GABRB3: variants seen among roughly 807,000 people sequenced by gnomAD.
GABRB3 encodes gamma-aminobutyric acid type A receptor subunit beta3.
Under a neutral mutation model 52.1 loss-of-function variants are expected in GABRB3, and 14 were observed. The ratio of observed to expected loss-of-function variants is 0.27; its 90% CI spans 0.18 to 0.42. The LOEUF is 0.42. Among genes scored for constraint, GABRB3 ranks in the 10% least tolerant of loss-of-function variants. The pLI is 1.00. For synonymous variants in GABRB3, 260 were observed against 232.3 expected (o/e 1.12, Z -1.08); for missense variants, 307 against 609.1 (o/e 0.50, Z 5.22).
At chr15:26,583,293 C>A in intron 5 of GABRB3, 39 bp downstream of exon 5, 1 of 1,515,844 alleles carries the variant, frequency 6.6e-7, no homozygotes, top group Non-Finnish European at 9.2e-7. Context: ...ATCAAAAGTA[C>A]AAATAGGAGG....
rs542677863 is a variant in GABRB3 at position 26,664,594 on chromosome 15, T to A, written c.241-43060A>T. On this transcript the variant is annotated intron_variant, in intron 3 of 8. Transcript: ENST00000311550. ...TATGGGTACCTCATAGTTGCATATA[T>A]TTATGGGGTACATGTGATGTTCTGA... 2.0e-5 allele frequency among the ~76,000 whole-genome samples: 3 copies of A among 152,262 alleles called. No homozygotes were observed. The South Asian group carries it at 6.2e-4, about 32-fold the overall frequency.
intron 2 of GABRB3, 52 bp downstream of exon 2, chr15:26,772,629 C>A: frequency 6.8e-7 from 1 of 1,476,592 alleles, no homozygotes; most frequent in Non-Finnish European, 9.1e-7. Flanking sequence ...CCGCCCAGGC[C>A]GCCGCCGCCG....
Position 26,606,764 on chromosome 15 carries a change from CTATCTATAGATAGATAGATA to C in GABRB3, c.461+14530_461+14549del, listed in dbSNP as rs1366976253. Among the ~76,000 whole-genome samples, 249 of 45,882 alleles carry C rather than the reference CTATCTATAGATAGATAGATA, an allele frequency of 5.4e-3. 7 individuals are homozygous for C. Among genetic ancestry groups the C allele is most frequent in the Middle Eastern group, 0.017 (1 of 58 alleles). 30.1% of individuals were successfully genotyped at this position (45,882 alleles called of 152,430 possible). ...TGTCATATATATCATACATATCTGT[CTATCTATAGATAGATAGATA>C]TATCTATAGATAGATATATCTATAG... On this transcript the variant is annotated intron_variant, in intron 4 of 8. Coordinates refer to ENST00000311550, the MANE Select transcript of GABRB3 (RefSeq NM_000814.6).
At chr15:26,721,466 C>G (rs540795730) in intron 3 of GABRB3, among the ~76,000 whole-genome samples, 22 of 152,106 alleles carry the variant, frequency 1.4e-4, no homozygotes, top group South Asian at 4.2e-4. Context: ...CAAGCCAGGC[C>G]TCCCCACTCC....
intron 3 of GABRB3, among the ~76,000 whole-genome samples, chr15:26,768,427 T>G (rs1314147193): frequency 6.6e-6 from 1 of 152,222 alleles, no homozygotes; most frequent in Admixed American, 6.5e-5. Flanking sequence ...TTTAATAAAT[T>G]TTTTAAAACT....
intron 3 of GABRB3, among the ~76,000 whole-genome samples, chr15:26,746,082 T>C (rs1267775001): frequency 6.6e-6 from 1 of 152,224 alleles, no homozygotes. Context: ...GTAGGAGTGA[T>C]CAATCCAGCT....
intron 3 of GABRB3, 112 bp downstream of exon 3, chr15:26,772,290 C>T (rs1421404563): frequency 2.3e-5 from 21 of 929,796 alleles, no homozygotes; most frequent in Middle Eastern, 2.4e-4. Context: ...CTCTGCGGAC[C>T]GGGGAAACTC....
At position 26,604,211 on chromosome 15, in the gene GABRB3, G is replaced by T. The variant is rs532949280; in HGVS notation, c.461+17103C>A. Among the ~76,000 whole-genome samples the T allele has an allele frequency of 2.0e-5, 3 of 152,070 alleles. No homozygotes were observed. In the East Asian group the frequency reaches 5.8e-4, roughly 29 times the overall value. ...ATACCTATGAATTACCTTAATCAAAGAAATGAAAGATCTCTGCAATGAAAA... is the reference window on the plus strand; with the variant it reads ...ATACCTATGAATTACCTTAATCAAATAAATGAAAGATCTCTGCAATGAAAA... On this transcript the variant is annotated intron_variant, in intron 4 of 8. Transcript: ENST00000311550.
intron 3 of GABRB3, among the ~76,000 whole-genome samples, chr15:26,676,193 T>C (rs1029614774): frequency 3.9e-5 from 6 of 152,254 alleles, no homozygotes; most frequent in Non-Finnish European, 7.3e-5. Context: ...CAGCACCTGC[T>C]TGCAACTATT....
intron 3 of GABRB3, among the ~76,000 whole-genome samples, chr15:26,761,169 C>T (rs1290671386): frequency 1.3e-5 from 2 of 152,084 alleles, no homozygotes; most frequent in East Asian, 1.9e-4. Context: ...CCAAGGCAGG[C>T]GGATCACCAG....
intron 4 of GABRB3, among the ~76,000 whole-genome samples, chr15:26,605,354 G>A (rs1891749928): frequency 6.6e-6 from 1 of 152,142 alleles, no homozygotes; most frequent in African/African-American, 2.4e-5. Context: ...AAAATTTGGA[G>A]GTGCCTCAAA....
At chr15:26,665,737 A>G (rs1478026134) in intron 3 of GABRB3, among the ~76,000 whole-genome samples, 1 of 152,220 alleles carries the variant, frequency 6.6e-6, no homozygotes, top group African/African-American at 2.4e-5. Context: ...TGGAAATGAT[A>G]AAACCTCATC....
intron 3 of GABRB3, among the ~76,000 whole-genome samples, chr15:26,702,843 T>C (rs1219642126): frequency 6.6e-6 from 1 of 152,220 alleles, no homozygotes; most frequent in East Asian, 1.9e-4. Flanking sequence ...ACGAAATAGC[T>C]GTAACAAAAT....
chr15:26,617,669 A>T (rs1487917159), intron 4 of GABRB3, among the ~76,000 whole-genome samples: 2 of 151,870 alleles, frequency 1.3e-5, no homozygotes, highest in African/African-American at 4.8e-5. Flanking sequence ...GGCCAGGGCA[A>T]TTAGGCAGGA....
At position 26,554,042 on chromosome 15, in the gene GABRB3, TA is replaced by T. The variant is rs1567096797; in HGVS notation, c.1081-5909del. 1.7e-3 allele frequency among the ~76,000 whole-genome samples: 74 copies of T among 44,504 alleles called. 4 individuals are homozygous for T. Among genetic ancestry groups the T allele is most frequent in the Middle Eastern group, 0.014 (1 of 70 alleles). The allele number at this position is 44,504 out of a possible 152,430, so 29.2% of individuals were successfully genotyped here. A position where few individuals can be genotyped will look rare whatever the true frequency, so the allele number is the denominator to read the frequency against. ...CTATTTATATATATATATATTTATTTATTTATATTTATTTATATATAAAGTG... is the reference window on the plus strand; with the variant it reads ...CTATTTATATATATATATATTTATTTTTTATATTTATTTATATATAAAGTG... On this transcript the variant is annotated intron_variant, in intron 8 of 8. Coordinates refer to ENST00000311550, the MANE Select transcript of GABRB3 (RefSeq NM_000814.6).
chr15:26,722,862 G>T (rs28653522), intron 3 of GABRB3, among the ~76,000 whole-genome samples: 22,748 of 152,124 alleles, frequency 0.15, 1,938 homozygotes, highest in East Asian at 0.31. Context: ...CCCACTGGGT[G>T]CCTCTGCTCA....
intron 4 of GABRB3, among the ~76,000 whole-genome samples, chr15:26,607,995 A>C (rs947383007): frequency 6.6e-6 from 1 of 151,980 alleles, no homozygotes; most frequent in South Asian, 2.1e-4. Flanking sequence ...CAAAAAACCC[A>C]AAATAGCTAA....
At chr15:26,726,175 CATG>C (rs1889766431) in intron 3 of GABRB3, among the ~76,000 whole-genome samples, 1 of 152,110 alleles carries the variant, frequency 6.6e-6, no homozygotes, top group Non-Finnish European at 1.5e-5. Context: ...CAGCCCATCA[CATG>C]AGGTCAGATG....
rs12912212 is a variant in GABRB3, at chr15:26,592,296, G to A, written c.462-8882C>T. Among the ~76,000 whole-genome samples the A allele has an allele frequency of 6.3e-3, 966 of 152,222 alleles. 6 individuals carry two copies. The highest frequency in any genetic ancestry group is 0.015 in the East Asian group (80 of 5,178). On this transcript the variant is annotated intron_variant, in intron 4 of 8. Coordinates refer to ENST00000311550, the MANE Select transcript of GABRB3 (RefSeq NM_000814.6). ...TGATCTTCACATTTATATCCTAGAG[G>A]CTACAGCCTCCAATATGAGAGTGAA...
Sources: allele counts gnomAD v4.1 joint callset (sites outside exome capture counted in the v4.1 genomes callset), GRCh38; gene constraint gnomAD v4.1.1; transcripts MANE v1.5; gene names NCBI Gene and HGNC (gene_info 2026-07-23, HGNC 2026-07-21).